The following AR variants were observed in gnomAD, a reference collection of about 807,000 sequenced individuals.
The protein encoded by AR is dihydrotestosterone receptor.
Under a neutral mutation model 53.9 loss-of-function variants are expected in AR, and 8 were observed. The observed-to-expected ratio is 0.15, with a 90% confidence interval of 0.09 to 0.27. AR has a LOEUF of 0.27. Among genes scored for constraint, AR ranks in the 10% least tolerant of loss-of-function variants. AR has a pLI of 1.00. For synonymous variants in AR, 359 were observed against 316.4 expected (o/e 1.13, Z -1.43); for missense variants, 639 against 742.5 (o/e 0.86, Z 1.62).
chrX:67,699,625 C>G (rs957893510), intron 3 of AR, among the ~76,000 whole-genome samples: 1 of 110,614 alleles, frequency 9.0e-6, no homozygotes, highest in Non-Finnish European at 1.9e-5. Context: ...ACAACAGCAT[C>G]TAGGTTAGTG....
At chrX:67,663,352 T>C (rs1927057121) in intron 2 of AR, among the ~76,000 whole-genome samples, 1 of 112,193 alleles carries the variant, frequency 8.9e-6, no homozygotes, top group Non-Finnish European at 1.9e-5. Context: ...TTTGCTTGTC[T>C]GTAAAGGATT....
chrX:67,546,362 T>G lies in AR; in HGVS notation c.1216T>G (p.Cys406Gly). The G allele has an allele frequency of 2.5e-6, 3 of 1,184,698 alleles. No homozygotes were observed. Among genetic ancestry groups the G allele is most frequent in the Non-Finnish European group, 3.4e-6 (3 of 882,921 alleles). ...GSAWAAAAAQ[C>G]RYGDLASLHG... The stretch of plus-strand genomic sequence containing the variant: ...CGCCTGGGCGGCTGCGGCGGCGCAG[T>G]GCCGCTATGGGGACCTGGCGAGCCT... The change falls in exon 1 of 8, where the codon TGC (cysteine) becomes GGC (glycine). Residue 406 changes from cysteine to glycine, a missense_variant. Coordinates refer to ENST00000374690, the MANE Select transcript of AR (RefSeq NM_000044.6).
intron 1 of AR, among the ~76,000 whole-genome samples, chrX:67,615,588 T>C (rs2147390875): frequency 9.0e-6 from 1 of 111,528 alleles, no homozygotes; most frequent in Admixed American, 9.6e-5. Flanking sequence ...TCCTAGACAG[T>C]AGCTTTAATC....
chrX:67,722,147 A>T, intron 6 of AR, 184 bp downstream of exon 6: 1 of 518,060 alleles, frequency 1.9e-6, no homozygotes. Flanking sequence ...CAATTTCATG[A>T]CTAGAAGCCA....
intron 2 of AR, among the ~76,000 whole-genome samples, chrX:67,652,389 AT>A (rs1926386872): frequency 9.0e-6 from 1 of 111,715 alleles, no homozygotes; most frequent in Admixed American, 9.5e-5. Context: ...GTCACAGGTT[AT>A]TTCATGAAAA....
intron 1 of AR, among the ~76,000 whole-genome samples, chrX:67,588,358 T>TTGG (rs1356258414): frequency 8.9e-6 from 1 of 111,988 alleles, no homozygotes; most frequent in Non-Finnish European, 1.9e-5. Flanking sequence ...ATCAGAATGA[T>TTGG]TGGTGGTGCC....
intron 2 of AR, among the ~76,000 whole-genome samples, chrX:67,674,882 C>T (rs1286741329): frequency 9.0e-6 from 1 of 111,373 alleles, no homozygotes; most frequent in Non-Finnish European, 1.9e-5. Context: ...ATAGCCACCA[C>T]AGCTGGGAAT....
intron 3 of AR, among the ~76,000 whole-genome samples, chrX:67,686,518 G>C (rs896985902): frequency 9.0e-6 from 1 of 110,655 alleles, no homozygotes; most frequent in Non-Finnish European, 1.9e-5. Flanking sequence ...GATGACCCAG[G>C]CATAGGCGCA....
At chrX:67,641,670 G>A (rs995678741) in intron 1 of AR, among the ~76,000 whole-genome samples, 3 of 111,013 alleles carry the variant, frequency 2.7e-5, no homozygotes, top group South Asian at 3.8e-4. Flanking sequence ...ATGAAGATAG[G>A]CCATGATATC....
At chrX:67,665,989 C>T (rs1293304960) in intron 2 of AR, among the ~76,000 whole-genome samples, 1 of 111,528 alleles carries the variant, frequency 9.0e-6, no homozygotes, top group African/African-American at 3.3e-5. Context: ...TTGATACAAG[C>T]ATACAGTGTA....
rs1009149552 is a variant in AR at position 67,666,223 on chromosome X, C to A, written c.1769-19787C>A. 8.1e-5 allele frequency among the ~76,000 whole-genome samples: 9 copies of A among 111,096 alleles called. No individual in the cohort carries two copies. In the Admixed American group the frequency reaches 8.7e-4, roughly 11 times the overall value. On this transcript the variant is annotated intron_variant, in intron 2 of 7. Coordinates refer to ENST00000374690, the MANE Select transcript of AR (RefSeq NM_000044.6). ...CTTCCTCCCCTCCCACTACCCTTCCCAGCCTCTGATAACCATCATTCCACT... is the reference window on the plus strand; with the variant it reads ...CTTCCTCCCCTCCCACTACCCTTCCAAGCCTCTGATAACCATCATTCCACT...
intron 1 of AR, among the ~76,000 whole-genome samples, chrX:67,612,958 C>T (rs1205031711): frequency 9.0e-6 from 1 of 111,068 alleles, no homozygotes; most frequent in African/African-American, 3.3e-5. Context: ...CTTTTTTTTC[C>T]CCCAGCCCTA....
At chrX:67,708,929 G>T (rs2076081242) in intron 3 of AR, among the ~76,000 whole-genome samples, 1 of 112,153 alleles carries the variant, frequency 8.9e-6, no homozygotes, top group African/African-American at 3.2e-5. Flanking sequence ...TTGCCTGGGT[G>T]TCGGCAGCAG....
At chrX:67,666,638 A>G (rs1434457541) in intron 2 of AR, among the ~76,000 whole-genome samples, 6 of 111,593 alleles carry the variant, frequency 5.4e-5, no homozygotes, top group African/African-American at 2.0e-4. Flanking sequence ...CCTCAAATCT[A>G]TTCTACATAA....
rs1307455865 is a variant in AR, at chrX:67,730,017, C to T, written c.*6176C>T. 1 of 173,083 alleles carries T rather than the reference C, an allele frequency of 5.8e-6. No individual in the cohort carries two copies. Among genetic ancestry groups the T allele is most frequent in the Admixed American group, 8.0e-5 (1 of 12,496 alleles). The allele number at this position is 173,083 out of a possible 1,213,427, so 14.3% of individuals were successfully genotyped here. On this transcript the variant is annotated 3_prime_UTR_variant, in exon 8 of 8. Transcript: ENST00000374690. ...AAAAAATTAAAAAGTCCCCTCACAA[C>T]CCAGTGACACCTTTCTGCTTTCCTC...
At chrX:67,709,600 T>C (rs1377499880) in intron 3 of AR, among the ~76,000 whole-genome samples, 1 of 112,249 alleles carries the variant, frequency 8.9e-6, no homozygotes, top group Non-Finnish European at 1.9e-5. Context: ...GGTGAGGCGA[T>C]GCCTCTCCCT....
intron 1 of AR, among the ~76,000 whole-genome samples, chrX:67,631,402 G>A (rs371761645): frequency 1.6e-4 from 18 of 111,030 alleles, no homozygotes; most frequent in South Asian, 7.7e-4. Flanking sequence ...ATCTTCCATC[G>A]CTGATACCCT....
At chrX:67,692,244 T>C (rs1031051475) in intron 3 of AR, among the ~76,000 whole-genome samples, 64 of 112,309 alleles carry the variant, frequency 5.7e-4, no homozygotes, top group African/African-American at 2.0e-3. Flanking sequence ...CTGGGATTTC[T>C]TCCATTCTCC....
rs2147318822 is a variant in AR at position 67,546,003 on chromosome X, C to G, written c.857C>G (p.Pro286Arg). 8.2e-7 allele frequency: 1 copy of G among 1,212,316 alleles called. No homozygotes were observed. The highest frequency in any genetic ancestry group is 1.1e-6 in the Non-Finnish European group (1 of 895,653). The change falls in exon 1 of 8, where the codon CCA (proline) becomes CGA (arginine). Residue 286 changes from proline (P) to arginine (R), a missense_variant. Pro to Arg is a moderately radical substitution (Grantham distance 103, BLOSUM62 -2). Coordinates refer to ENST00000374690, the MANE Select transcript of AR (RefSeq NM_000044.6). ...PPAVRPTPCA[P>R]LAECKGSLLD... The stretch of plus-strand genomic sequence containing the variant: ...GCTGTGCGTCCCACTCCTTGTGCCC[C>G]ATTGGCCGAATGCAAAGGTTCTCTG...
Sources: allele counts gnomAD v4.1 joint callset (sites outside exome capture counted in the v4.1 genomes callset), GRCh38; gene constraint gnomAD v4.1.1; transcripts MANE v1.5; gene names NCBI Gene and HGNC (gene_info 2026-07-23, HGNC 2026-07-21).